ROCK1: variants seen among roughly 807,000 people sequenced by gnomAD.
The protein encoded by ROCK1 is Rho associated coiled-coil containing protein kinase 1.
ROCK1 carries 36 observed loss-of-function variants against 196.8 expected under a neutral mutation model. That is an observed-to-expected ratio of 0.18 (90% CI 0.14 to 0.24). The LOEUF (loss-of-function observed/expected upper bound fraction) is 0.24, where lower values mean the gene tolerates loss of function less well. ROCK1 is among the 10% of genes least tolerant of loss of function. ROCK1 has a pLI of 1.00. For missense variants in ROCK1, 920 were observed against 1,562.0 expected, an observed-to-expected ratio of 0.59 and a Z score of 6.93; for synonymous variants, 443 against 515.9, an observed-to-expected ratio of 0.86 and a Z score of 1.91.
intron 2 of ROCK1, among the ~76,000 whole-genome samples, chr18:21,067,857 A>AC (rs1360596284): frequency 2.0e-5 from 3 of 152,176 alleles, no homozygotes; most frequent in Admixed American, 6.5e-5. Context: ...AGAGTTTTAC[A>AC]TTTTTAACTT....
At chr18:21,027,752 T>TC (rs2035971852) in intron 10 of ROCK1, among the ~76,000 whole-genome samples, 1 of 112,004 alleles carries the variant, frequency 8.9e-6, no homozygotes, top group Non-Finnish European at 1.8e-5. Context: ...ATCACTTAAT[T>TC]TTTTTTTTTT....
chr18:21,006,825 A>C, intron 14 of ROCK1, 35 bp from the exon 15 acceptor site: 1 of 1,302,050 alleles, frequency 7.7e-7, no homozygotes, highest in Non-Finnish European at 1.1e-6. Context: ...AGAAATTACA[A>C]CATTTTCATA....
intron 1 of ROCK1, among the ~76,000 whole-genome samples, chr18:21,097,798 G>C (rs1476988174): frequency 6.6e-6 from 1 of 152,216 alleles, no homozygotes; most frequent in Non-Finnish European, 1.5e-5. Flanking sequence ...GAGGGTCTAT[G>C]ATTAATCTTA....
chr18:20,978,687 G>A (rs963364905), intron 22 of ROCK1, among the ~76,000 whole-genome samples: 1 of 152,126 alleles, frequency 6.6e-6, no homozygotes, highest in African/African-American at 2.4e-5. Flanking sequence ...CAATAAAATC[G>A]CAACTGAGGG....
intron 1 of ROCK1, among the ~76,000 whole-genome samples, chr18:21,103,744 T>C (rs1206675354): frequency 5.3e-5 from 8 of 152,172 alleles, no homozygotes; most frequent in South Asian, 4.1e-4. Flanking sequence ...AGGCCTATCA[T>C]AGAATTTTCA....
At chr18:21,084,066 T>C (rs1355190569) in intron 1 of ROCK1, among the ~76,000 whole-genome samples, 1 of 152,158 alleles carries the variant, frequency 6.6e-6, no homozygotes, top group East Asian at 1.9e-4. Flanking sequence ...AAAAACTGCA[T>C]ATCCACATGC....
At position 20,979,986 on chromosome 18, in the gene ROCK1, C is replaced by G. The variant is rs1323165216; in HGVS notation, c.2578G>C (p.Val860Leu). Residue 860 changes from valine (V) to leucine (L), a missense_variant, in exon 22 of 33, where the codon GTA becomes CTA. This residue lies in a region of ROCK1 where 520 missense variants were observed against 657.1 expected (regional missense o/e 0.79). Transcript: ENST00000399799. ...TCAATTTCTTCTTTAAGTTCCTTTACCTGGGTTTTATAAAGTGTCTGCAAA... is the reference window on the plus strand; with the variant it reads ...TCAATTTCTTCTTTAAGTTCCTTTAGCTGGGTTTTATAAAGTGTCTGCAAA... ...QYFSTLYKTQ[V>L]KELKEEIEEK... is the part of the protein sequence containing the mutation. The G allele has an allele frequency of 1.9e-6, 3 of 1,553,164 alleles. No homozygotes were observed. Among genetic ancestry groups the G allele is most frequent in the East Asian group, 2.3e-5 (1 of 42,922 alleles).
chr18:21,008,165 T>C lies in ROCK1; in HGVS notation c.1440A>G (p.Thr480=). The C allele has an allele frequency of 6.3e-7, 1 of 1,587,684 alleles. No individual in the cohort carries two copies. Among genetic ancestry groups the C allele is most frequent in the Middle Eastern group, 1.7e-4 (1 of 5,972 alleles). Residue 480 remains threonine (T), a synonymous_variant, in exon 14 of 33, where the codon ACA becomes ACG. Transcript: ENST00000399799. ...EGNQRRNLES[T]VSQIEKEKML... is the part of the protein sequence containing the mutation. ...TTTTCTCCTTCTCAATCTGAGACAC[T>C]GTAGATTCTAGATTTCTTCTTTGAT... is the stretch of plus-strand genomic sequence containing the variant.
intron 2 of ROCK1, among the ~76,000 whole-genome samples, chr18:21,059,683 C>T (rs183130166): frequency 6.6e-6 from 1 of 152,146 alleles, no homozygotes; most frequent in Non-Finnish European, 1.5e-5. Context: ...AATTCCACTT[C>T]TAGGTATCTA....
At chr18:20,988,199 G>A (rs953999305) in intron 18 of ROCK1, among the ~76,000 whole-genome samples, 20 of 152,026 alleles carry the variant, frequency 1.3e-4, no homozygotes, top group Non-Finnish European at 2.5e-4. Flanking sequence ...CTGAGTAGCT[G>A]AGATTACAGG....
intron 13 of ROCK1, among the ~76,000 whole-genome samples, chr18:21,012,484 T>C (rs938182194): frequency 1.6e-4 from 25 of 152,326 alleles, no homozygotes; most frequent in South Asian, 6.2e-4. Context: ...CTGGCCTCCA[T>C]GGTTTCTGAT....
chr18:20,959,057 T>TTTTATAAAAAATAATATA (rs1555743135), intron 29 of ROCK1, among the ~76,000 whole-genome samples: 1 of 46,920 alleles, frequency 2.1e-5, no homozygotes, highest in African/African-American at 1.6e-4. Flanking sequence ...AATATATATA[T>TTTTATAAAAAATAATATA]TATATTTTAT....
intron 1 of ROCK1, among the ~76,000 whole-genome samples, chr18:21,109,724 T>C (rs777430129): frequency 6.6e-6 from 1 of 152,152 alleles, no homozygotes; most frequent in Non-Finnish European, 1.5e-5. Flanking sequence ...TAAACAGAAA[T>C]TTAGAGTAAC....
Position 21,031,529 on chromosome 18 carries a change from C to A in ROCK1, c.1052-2594G>T, listed in dbSNP as rs111312744. Among the ~76,000 whole-genome samples, 973 of 147,332 alleles carry A rather than the reference C, an allele frequency of 6.6e-3. 11 individuals carry two copies. The highest frequency in any genetic ancestry group is 0.023 in the African/African-American group (934 of 39,770). ...CTGAGGCAGGAGAATGGCGTGAACC[C>A]AGGAGGCGGAGCTTGCAGTGAGCTA... is the stretch of plus-strand genomic sequence containing the variant. On this transcript the variant is annotated intron_variant, in intron 9 of 32. Coordinates refer to ENST00000399799, the MANE Select transcript of ROCK1 (RefSeq NM_005406.3).
chr18:21,100,278 T>A (rs999022636), intron 1 of ROCK1, among the ~76,000 whole-genome samples: 1 of 151,408 alleles, frequency 6.6e-6, no homozygotes, highest in African/African-American at 2.4e-5. Flanking sequence ...CAAGAAACAA[T>A]TTCATCCAAT....
chr18:21,051,873 T>A (rs1276375272), intron 2 of ROCK1, among the ~76,000 whole-genome samples: 2 of 152,148 alleles, frequency 1.3e-5, no homozygotes, highest in African/African-American at 4.8e-5. Flanking sequence ...TGAAAAGGAA[T>A]TATGATGGAT....
At chr18:20,992,105 T>A (rs2035631986) in intron 17 of ROCK1, among the ~76,000 whole-genome samples, 1 of 152,198 alleles carries the variant, frequency 6.6e-6, no homozygotes, top group Non-Finnish European at 1.5e-5. Context: ...AGTCAAAATA[T>A]ATTCCATTTC....
chr18:21,039,665 C>A, intron 8 of ROCK1, 102 bp from the exon 9 acceptor site: 1 of 751,376 alleles, frequency 1.3e-6, no homozygotes, highest in Non-Finnish European at 2.3e-6. Flanking sequence ...TGTAGGACGA[C>A]AAATATAGTT....
Position 20,950,264 on chromosome 18 carries a change from C to A in ROCK1, c.*1120G>T, listed in dbSNP as rs896707992. 2.0e-5 allele frequency: 3 copies of A among 152,262 alleles called. No homozygotes were observed. The highest frequency in any genetic ancestry group is 7.2e-5 in the African/African-American group (3 of 41,408). 9.4% of individuals were successfully genotyped at this position (152,262 alleles called of 1,614,324 possible). A position where few individuals can be genotyped will look rare whatever the true frequency, so the allele number is the denominator to read the frequency against. ...TACATTTTTTGCAGTTTTATAAAGTCATTATTGTAGCAGGTAGTTTGATGC... is the reference window on the plus strand; with the variant it reads ...TACATTTTTTGCAGTTTTATAAAGTAATTATTGTAGCAGGTAGTTTGATGC... On this transcript the variant is annotated 3_prime_UTR_variant, in exon 33 of 33. Coordinates refer to ENST00000399799, the MANE Select transcript of ROCK1 (RefSeq NM_005406.3).
Sources: gnomAD v4.1 joint callset for allele counts (sites outside exome capture counted in the v4.1 genomes callset) on GRCh38, gnomAD v4.1.1 for gene constraint, gnomAD v4.1.1 regional missense constraint, MANE v1.5 for transcripts, NCBI Gene and HGNC (gene_info 2026-07-23, HGNC 2026-07-21) for gene names.